KCNIP2: variants seen among roughly 807,000 people sequenced by gnomAD.
KCNIP2 encodes A-type potassium channel modulatory protein KCNIP2.
A neutral mutation model predicts 39.0 loss-of-function variants in KCNIP2; 19 were observed. That is an observed-to-expected ratio of 0.49 (90% confidence interval 0.34 to 0.71). The LOEUF (loss-of-function observed/expected upper bound fraction) is 0.71. KCNIP2 is among the 30% of genes least tolerant of loss of function. The probability of loss-of-function intolerance (pLI) is 0.01; values close to 1 mark genes in which losing one functional copy is unlikely to be tolerated. For synonymous variants in KCNIP2, 111 were observed against 131.2 expected (o/e 0.85, Z 1.05); for missense variants, 261 against 346.0 (o/e 0.75, Z 1.95).
At chr10:101,832,996 C>T (rs1409777619) in intron 1 of KCNIP2, among the ~76,000 whole-genome samples, 1 of 152,216 alleles carries the variant, frequency 6.6e-6, no homozygotes. Context: ...TTCCCCACTC[C>T]ACCCCAATAA....
rs2066223808 is a variant in KCNIP2, at chr10:101,838,310, T to A, written c.73+5186A>T. On this transcript the variant is annotated intron_variant, in intron 1 of 9. Coordinates refer to ENST00000356640, the MANE Select transcript of KCNIP2 (RefSeq NM_173191.3). This position sits in a 1 kb window ranked among gnomAD's most constrained non-coding sequence, Gnocchi z 4.0. The stretch of plus-strand genomic sequence containing the variant: ...TCCCTCAAATCTTACCACAGAGATA[T>A]TCCTATCATTTATTTATTTATCTCC... Among the ~76,000 whole-genome samples the A allele has an allele frequency of 6.6e-6, 1 of 152,186 alleles. No individual in the cohort carries two copies. Among genetic ancestry groups the A allele is most frequent in the Admixed American group, 6.5e-5 (1 of 15,282 alleles).
chr10:101,827,795 G>C, intron 8 of KCNIP2, 44 bp from the exon 9 acceptor site: 1 of 1,551,654 alleles, frequency 6.4e-7, no homozygotes, highest in Non-Finnish European at 8.9e-7. Context: ...GGGATGGCAA[G>C]AGAGAGGCAG....
intron 1 of KCNIP2, among the ~76,000 whole-genome samples, chr10:101,842,483 GGGGTTT>G (rs1477361980): frequency 6.6e-6 from 1 of 152,238 alleles, no homozygotes; most frequent in Non-Finnish European, 1.5e-5. Flanking sequence ...GTGTTTTCCT[GGGGTTT>G]GAGTGAAGTT....
intron 4 of KCNIP2, 59 bp downstream of exon 4, chr10:101,829,016 G>T: frequency 6.3e-7 from 1 of 1,585,948 alleles, no homozygotes. Flanking sequence ...GGGAAGCTGT[G>T]GACCGGCTTG....
At chr10:101,839,228 A>G (rs1011282746) in intron 1 of KCNIP2, among the ~76,000 whole-genome samples, 1 of 152,190 alleles carries the variant, frequency 6.6e-6, no homozygotes, top group Non-Finnish European at 1.5e-5. Context: ...GAGAGAAAAC[A>G]GAGACATACA....
chr10:101,840,061 G>GA (rs1390103351), intron 1 of KCNIP2, among the ~76,000 whole-genome samples: 1 of 151,764 alleles, frequency 6.6e-6, no homozygotes, highest in African/African-American at 2.4e-5. Context: ...CCTGGACGGG[G>GA]GGGGGGGGTG....
chr10:101,840,264 C>A (rs2066291230), intron 1 of KCNIP2, among the ~76,000 whole-genome samples: 1 of 151,424 alleles, frequency 6.6e-6, no homozygotes, highest in South Asian at 2.1e-4. Flanking sequence ...CCCGCCCCCA[C>A]CATTTTGGCA....
chr10:101,829,073 A>C lies in KCNIP2; in HGVS notation c.348+2T>G, dbSNP rs765181350. The C allele has an allele frequency of 6.2e-7, 1 of 1,613,474 alleles. No homozygotes were observed. The highest frequency in any genetic ancestry group is 1.1e-5 in the South Asian group (1 of 91,038). On this transcript the variant is annotated splice_donor_variant, in intron 4 of 9. Coordinates refer to ENST00000356640, the MANE Select transcript of KCNIP2 (RefSeq NM_173191.3). LOFTEE classifies it high-confidence loss of function. ...CTGAGTTTGGCCTCGCCTTGCACTC[A>C]CGTTCTTGAAGCCCCGGTACAGGAC...
chr10:101,830,089 A>AC (rs2065913928), intron 2 of KCNIP2, 192 bp from the exon 3 acceptor site: 2 of 693,890 alleles, frequency 2.9e-6, no homozygotes, highest in South Asian at 3.6e-5. Context: ...TTCCGAATCC[A>AC]CCCCCGTGTG....
At chr10:101,837,447 G>A (rs766873349) in intron 1 of KCNIP2, among the ~76,000 whole-genome samples, 9 of 152,102 alleles carry the variant, frequency 5.9e-5, no homozygotes, top group Non-Finnish European at 1.2e-4. Context: ...GAGGCGGGTG[G>A]ATCACAAGGT....
Position 101,827,263 on chromosome 10 carries a change from G to C in KCNIP2, c.*90C>G, listed in dbSNP as rs72546684. ...CAGCCCCCAGGGAGGCGTAGGATGA[G>C]GATAGACCTGGGAAGAGAAGGGTGA... is the stretch of plus-strand genomic sequence containing the variant. On this transcript the variant is annotated 3_prime_UTR_variant, in exon 10 of 10. Transcript: ENST00000356640. 9 of 1,493,958 alleles carry C rather than the reference G, an allele frequency of 6.0e-6. No individual in the cohort carries two copies. The highest frequency in any genetic ancestry group is 1.4e-5 in the African/African-American group (1 of 71,844). The allele number at this position is 1,493,958 out of a possible 1,614,324, so 92.5% of individuals were successfully genotyped here. A position where few individuals can be genotyped will look rare whatever the true frequency, so the allele number is the denominator to read the frequency against.
chr10:101,833,603 A>G (rs1449671365), intron 1 of KCNIP2, among the ~76,000 whole-genome samples: 1 of 152,166 alleles, frequency 6.6e-6, no homozygotes, highest in African/African-American at 2.4e-5. Context: ...CCAGAGGCTC[A>G]GCCACATACT....
chr10:101,834,720 A>AAGGG (rs2066098949), intron 1 of KCNIP2, among the ~76,000 whole-genome samples: 2 of 152,280 alleles, frequency 1.3e-5, no homozygotes, highest in East Asian at 3.9e-4. Flanking sequence ...TGCCAAAGGG[A>AAGGG]AGGGGCAGAG....
Position 101,843,226 on chromosome 10 carries a change from C to T in KCNIP2, c.73+270G>A, listed in dbSNP as rs534776195. 6.6e-6 allele frequency among the ~76,000 whole-genome samples: 1 copy of T among 152,340 alleles called. No homozygotes were observed. The highest frequency in any genetic ancestry group is 2.1e-4 in the South Asian group (1 of 4,830). On this transcript the variant is annotated intron_variant, in intron 1 of 9. Coordinates refer to ENST00000356640, the MANE Select transcript of KCNIP2 (RefSeq NM_173191.3). The surrounding 1 kb of genome is among the most constrained non-coding windows in gnomAD (Gnocchi z 6.7). ...ACACAGAATGACAGGTGCTCACGCA[C>T]GTAACACCTCCCACTCCAGACACCC...
chr10:101,827,433 G>C (rs754873206), intron 9 of KCNIP2, 33 bp from the exon 10 acceptor site: 1 of 1,586,806 alleles, frequency 6.3e-7, no homozygotes, highest in South Asian at 1.1e-5. Flanking sequence ...GCAGATTGAA[G>C]AGAGAGAAAG....
chr10:101,833,349 A>G (rs558525404), intron 1 of KCNIP2, among the ~76,000 whole-genome samples: 341 of 152,200 alleles, frequency 2.2e-3, no homozygotes, highest in Middle Eastern at 6.8e-3. Context: ...TCCACTCCCA[A>G]TGTCTAGGCC....
chr10:101,832,296 CTGTGTGTGTGTGTGTG>C (rs57005983), intron 1 of KCNIP2, among the ~76,000 whole-genome samples: 17 of 139,972 alleles, frequency 1.2e-4, no homozygotes, highest in Admixed American at 5.6e-4. Flanking sequence ...CTCAGTGTTA[CTGTGTGTGTGTGTGTG>C]TGTGTGTGTG....
In KCNIP2 at chr10:101,843,122, C is replaced by T. The variant is rs944282217; in HGVS notation, c.73+374G>A. ...ATACAATTGCACTGCCACATACAAT[C>T]ACACTCACCCTAGCTGTCACCAAGC... On this transcript the variant is annotated intron_variant, in intron 1 of 9. Transcript: ENST00000356640. The surrounding 1 kb of genome is among the most constrained non-coding windows in gnomAD (Gnocchi z 6.7). 1.3e-5 allele frequency among the ~76,000 whole-genome samples: 2 copies of T among 152,230 alleles called. No individual in the cohort carries two copies. The highest frequency in any genetic ancestry group is 4.8e-5 in the African/African-American group (2 of 41,456).
In KCNIP2 at chr10:101,830,040, C is replaced by T. The variant is rs577386801; in HGVS notation, c.170-143G>A. 2.4e-5 allele frequency: 22 copies of T among 932,414 alleles called. No individual in the cohort carries two copies. The East Asian group carries it at 5.4e-4, about 23-fold the overall frequency. The allele number at this position is 932,414 out of a possible 1,614,324, so 57.8% of individuals were successfully genotyped here. ...CCAGCACAGACACACACGAAACGGA[C>T]CCCATGCACACAAGCTTGCGGGACT... On this transcript the variant is annotated intron_variant, in intron 2 of 9. Coordinates refer to ENST00000356640, the MANE Select transcript of KCNIP2 (RefSeq NM_173191.3).
Sources: gnomAD v4.1 joint callset for allele counts (sites outside exome capture counted in the v4.1 genomes callset) on GRCh38, gnomAD v4.1.1 for gene constraint, Gnocchi (gnomAD v3.1) non-coding constraint, MANE v1.5 for transcripts, NCBI Gene and HGNC (gene_info 2026-07-23, HGNC 2026-07-21) for gene names.